TOM1: variants seen among roughly 807,000 people sequenced by gnomAD.
The protein encoded by TOM1 is target of Myb protein 1.
A neutral mutation model predicts 61.3 loss-of-function variants in TOM1; 38 were observed. The ratio of observed to expected loss-of-function variants is 0.62; its 90% CI spans 0.48 to 0.81. The LOEUF (loss-of-function observed/expected upper bound fraction) is 0.81. Ranked by LOEUF, TOM1 falls within the 40% of genes least tolerant of loss-of-function variation. The pLI is 0.00. For missense variants in TOM1, 591 were observed against 659.6 expected (o/e 0.90, Z 1.14); for synonymous variants, 270 against 268.8 (o/e 1.00, Z -0.04).
chr22:35,340,576 A>G (rs1929790624), intron 12 of TOM1, among the ~76,000 whole-genome samples: 1 of 152,056 alleles, frequency 6.6e-6, no homozygotes, highest in Non-Finnish European at 1.5e-5. Flanking sequence ...GGGAAACCCC[A>G]TCTCTACAAA....
intron 3 of TOM1, chr22:35,322,720 C>T (rs901435651): frequency 1.2e-4 from 38 of 312,246 alleles, no homozygotes; most frequent in African/African-American, 8.0e-4. Flanking sequence ...TCTTGGAGAG[C>T]CCCTTCTCTC....
rs529204805 is a variant in TOM1, at chr22:35,338,466, A to G, written c.1149-247A>G. Among the ~76,000 whole-genome samples, 6 of 152,186 alleles carry G rather than the reference A, an allele frequency of 3.9e-5. No homozygotes were observed. In the East Asian group the frequency reaches 1.2e-3, roughly 29 times the overall value. ...AGTTTGGCCAATCCTGGTCATAGCC[A>G]TTGGTGGTCTTGGTCTCAGTCTTTG... On this transcript the variant is annotated intron_variant, in intron 11 of 14. Coordinates refer to ENST00000449058, the MANE Select transcript of TOM1 (RefSeq NM_005488.3).
At position 35,299,897 on chromosome 22, in the gene TOM1, T is replaced by G; in HGVS notation, c.-32T>G. The G allele has an allele frequency of 6.4e-7, 1 of 1,571,166 alleles. No homozygotes were observed. Among genetic ancestry groups the G allele is most frequent in the South Asian group, 1.2e-5 (1 of 86,236 alleles). On this transcript the variant is annotated 5_prime_UTR_variant, in exon 1 of 15. In the 5' UTR this introduces an upstream ATG that the reference lacks. Transcript: ENST00000449058. The stretch of plus-strand genomic sequence containing the variant: ...GCGCTGGCGGTTGCTGTCAGCTGAT[T>G]CCCGGGGTTGGTGGCAGCGGCGGTA...
chr22:35,308,518 G>T (rs936088241), intron 1 of TOM1, among the ~76,000 whole-genome samples: 5 of 151,890 alleles, frequency 3.3e-5, no homozygotes, highest in Non-Finnish European at 5.9e-5. Flanking sequence ...TCCTGACCTC[G>T]TGATCCTCCC....
At position 35,343,942 on chromosome 22, in the gene TOM1, TACAC is replaced by T. The variant is rs1177016280; in HGVS notation, c.1225-1778_1225-1775del. Reference sequence around the variant, plus strand: ...ACCACACACATCTACACACACCACCTACACACACCACATACATCTATACCTACAC... The same window carrying T: ...ACCACACACATCTACACACACCACCTACACCACATACATCTATACCTACAC... On this transcript the variant is annotated intron_variant, in intron 12 of 14. Transcript: ENST00000449058. Among the ~76,000 whole-genome samples the T allele has an allele frequency of 6.3e-5, 9 of 141,852 alleles. No homozygotes were observed. In the Admixed American group the frequency reaches 6.4e-4, roughly 10 times the overall value. 93.1% of individuals were successfully genotyped at this position (141,852 alleles called of 152,430 possible).
chr22:35,301,653 C>T (rs1488416710), intron 1 of TOM1, among the ~76,000 whole-genome samples: 7 of 152,126 alleles, frequency 4.6e-5, no homozygotes. Flanking sequence ...CTTGTCGACC[C>T]GGCTCTGTGT....
chr22:35,318,004 C>G (rs1302071609), intron 2 of TOM1, 43 bp downstream of exon 2: 5 of 1,512,740 alleles, frequency 3.3e-6, no homozygotes, highest in Non-Finnish European at 4.6e-6. Flanking sequence ...AGACGGCCAT[C>G]CCACCACGCA....
intron 12 of TOM1, among the ~76,000 whole-genome samples, chr22:35,342,859 T>G (rs565877283): frequency 2.4e-4 from 28 of 118,842 alleles, no homozygotes; most frequent in African/African-American, 8.8e-4. Context: ...TACACACTCA[T>G]GCACCTACAC....
intron 8 of TOM1, among the ~76,000 whole-genome samples, chr22:35,331,140 G>C (rs1302332372): frequency 2.1e-5 from 3 of 146,198 alleles, no homozygotes; most frequent in Non-Finnish European, 4.5e-5. Context: ...CTGTCACCCA[G>C]GCTGGAGTAT....
In TOM1 at chr22:35,299,986, T is replaced by G. The variant is rs1925574246; in HGVS notation, c.52+6T>G. On this transcript the variant is annotated splice_donor_region_variant and intron_variant, in intron 1 of 14. Coordinates refer to ENST00000449058, the MANE Select transcript of TOM1 (RefSeq NM_005488.3). ...TCCAGTGGGACAGCGCATCGGTGAG[T>G]CCCTGGAGCCCCCCACAGCTCCGCC... 2 of 1,568,734 alleles carry G rather than the reference T, an allele frequency of 1.3e-6. No homozygotes were observed. Among genetic ancestry groups the G allele is most frequent in the Admixed American group, 1.9e-5 (1 of 53,506 alleles).
intron 12 of TOM1, among the ~76,000 whole-genome samples, chr22:35,342,298 G>C (rs1049535211): frequency 6.6e-6 from 1 of 152,104 alleles, no homozygotes; most frequent in Admixed American, 6.5e-5. Context: ...TGTGTGCCCT[G>C]TGCCATGTGC....
intron 1 of TOM1, among the ~76,000 whole-genome samples, chr22:35,312,039 G>A (rs1391082445): frequency 6.6e-6 from 1 of 151,994 alleles, no homozygotes; most frequent in Non-Finnish European, 1.5e-5. Context: ...TGGATCACAA[G>A]GTCAGGAGTT....
At chr22:35,313,239 C>T (rs1404534500) in intron 1 of TOM1, among the ~76,000 whole-genome samples, 3 of 151,740 alleles carry the variant, frequency 2.0e-5, no homozygotes, top group Admixed American at 2.0e-4. Context: ...CCCAGCTACT[C>T]GGGAGGCTGA....
At chr22:35,308,214 CTG>C (rs147639234) in intron 1 of TOM1, among the ~76,000 whole-genome samples, 5 of 151,164 alleles carry the variant, frequency 3.3e-5, no homozygotes, top group South Asian at 2.1e-4. Context: ...GCTCTTTCTC[CTG>C]TGTGTGTGTG....
chr22:35,334,849 C>T (rs1929162909), intron 11 of TOM1, among the ~76,000 whole-genome samples: 1 of 135,628 alleles, frequency 7.4e-6, no homozygotes, highest in Middle Eastern at 3.7e-3. Flanking sequence ...CCCCTCCCTG[C>T]ACTGTGTACC....
intron 1 of TOM1, among the ~76,000 whole-genome samples, chr22:35,312,788 G>C (rs974360071): frequency 6.6e-6 from 1 of 152,206 alleles, no homozygotes; most frequent in African/African-American, 2.4e-5. Context: ...ATAGAGGAAG[G>C]GGGTACAGCT....
chr22:35,308,128 C>T (rs1601665620), intron 1 of TOM1, among the ~76,000 whole-genome samples: 2 of 152,106 alleles, frequency 1.3e-5, no homozygotes, highest in Non-Finnish European at 2.9e-5. Flanking sequence ...CCTGGATCTC[C>T]AGCCTGCCAG....
At chr22:35,327,240 T>G in intron 6 of TOM1, 31 bp from the exon 7 acceptor site, 6 of 1,602,796 alleles carry the variant, frequency 3.7e-6, no homozygotes, top group Non-Finnish European at 5.1e-6. Context: ...GAACCCTGGC[T>G]TCTCTCACCA....
At position 35,345,708 on chromosome 22, in the gene TOM1, T is replaced by A. The variant is rs775989818; in HGVS notation, c.1225-17T>A. 3 of 1,613,420 alleles carry A rather than the reference T, an allele frequency of 1.9e-6. No homozygotes were observed. Among genetic ancestry groups the A allele is most frequent in the Admixed American group, 3.3e-5 (2 of 60,002 alleles). On this transcript the variant is annotated splice_polypyrimidine_tract_variant and intron_variant, in intron 12 of 14. Transcript: ENST00000449058. ...TGTCACCTAGGGCACTGCCTTACCC[T>A]CTGCCCTTCCTTCCAGATCCCAGTC...
Sources: gnomAD v4.1 joint callset for allele counts (sites outside exome capture counted in the v4.1 genomes callset) on GRCh38, gnomAD v4.1.1 for gene constraint, MANE v1.5 for transcripts, NCBI Gene and HGNC (gene_info 2026-07-23, HGNC 2026-07-21) for gene names.